PBX4: variants seen among roughly 807,000 people sequenced by gnomAD.
PBX4 encodes the protein PBX homeobox 4.
A neutral mutation model predicts 35.1 loss-of-function variants in PBX4; 26 were observed. That is an observed-to-expected ratio of 0.74 (90% confidence interval 0.54 to 1.03). The LOEUF is 1.03. PBX4 is among the 50% of genes least tolerant of loss of function. The probability of loss-of-function intolerance (pLI) is 0.00; values close to 1 mark genes in which losing one functional copy is unlikely to be tolerated. For synonymous variants in PBX4, 199 were observed against 204.2 expected, an observed-to-expected ratio of 0.97 and a Z score of 0.22; for missense variants, 448 against 504.3, an observed-to-expected ratio of 0.89 and a Z score of 1.07.
In PBX4 at chr19:19,562,155, G is replaced by A. The variant is rs374006811; in HGVS notation, c.1033-38C>T. 191 of 1,510,304 alleles carry A rather than the reference G, an allele frequency of 1.3e-4. No homozygotes were observed. The highest frequency in any genetic ancestry group is 2.6e-4 in the African/African-American group (19 of 72,686). The allele number at this position is 1,510,304 out of a possible 1,614,324, so 93.6% of individuals were successfully genotyped here. On this transcript the variant is annotated intron_variant, in intron 7 of 7. Transcript: ENST00000251203. The surrounding 1 kb of genome is among the most constrained non-coding windows in gnomAD (Gnocchi z 4.8). ...AGACTGAGCATCAGAGTGGGTGGCC[G>A]TGAGACTGGTGACTACCCAGCCCAC...
chr19:19,611,402 C>T (rs913376658), intron 1 of PBX4, among the ~76,000 whole-genome samples: 4 of 151,908 alleles, frequency 2.6e-5, no homozygotes, highest in Non-Finnish European at 5.9e-5. Context: ...AAGAGAAGGC[C>T]GGGCATGGTG....
intron 1 of PBX4, among the ~76,000 whole-genome samples, chr19:19,614,824 G>T (rs1487469854): frequency 6.6e-6 from 1 of 151,950 alleles, no homozygotes; most frequent in East Asian, 1.9e-4. Flanking sequence ...CTTAACTCAG[G>T]AGTTTGAGAC....
At position 19,562,649 on chromosome 19, in the gene PBX4, C is replaced by CA. The variant is rs933717121; in HGVS notation, c.1033-533dup. On this transcript the variant is annotated intron_variant, in intron 7 of 7. Coordinates refer to ENST00000251203, the MANE Select transcript of PBX4 (RefSeq NM_025245.3). The surrounding 1 kb of genome is among the most constrained non-coding windows in gnomAD (Gnocchi z 4.8). ...GACGTTTGTCCACAGGACCCACCCC[C>CA]ACTATGGTGGGCACGGTACAGGTTA... Among the ~76,000 whole-genome samples the CA allele has an allele frequency of 1.6e-4, 24 of 152,292 alleles. No homozygotes were observed. The highest frequency in any genetic ancestry group is 3.3e-4 in the Admixed American group (5 of 15,300).
intron 2 of PBX4, among the ~76,000 whole-genome samples, chr19:19,584,542 T>C (rs1211681093): frequency 1.3e-5 from 2 of 151,390 alleles, no homozygotes; most frequent in Admixed American, 6.6e-5. Context: ...CAGAGAGTCA[T>C]GGATGTAATG....
intron 2 of PBX4, chr19:19,580,005 G>A (rs982541673): frequency 2.0e-5 from 3 of 152,332 alleles, no homozygotes; most frequent in African/African-American, 7.2e-5. Context: ...ATCTGGGACA[G>A]AGGGTTGACG....
At chr19:19,588,203 CAAT>C in intron 2 of PBX4, 2 of 1,353,366 alleles carry the variant, frequency 1.5e-6, no homozygotes, top group Non-Finnish European at 2.1e-6. Flanking sequence ...GCACTCCTTA[CAAT>C]AATAGGCATC....
At chr19:19,575,033 C>A (rs1464808012) in intron 2 of PBX4, among the ~76,000 whole-genome samples, 1 of 151,920 alleles carries the variant, frequency 6.6e-6, no homozygotes, top group African/African-American at 2.4e-5. Flanking sequence ...AGAAGCTCCA[C>A]CATCCTGGCT....
In PBX4 at chr19:19,577,194, C is replaced by CAA. The variant is rs35798518; in HGVS notation, c.194-6363_194-6362dup. Among the ~76,000 whole-genome samples, 63 of 100,392 alleles carry CAA rather than the reference C, an allele frequency of 6.3e-4. No homozygotes were observed. In the South Asian group the frequency reaches 6.5e-3, roughly 10 times the overall value. The allele number at this position is 100,392 out of a possible 152,430, so 65.9% of individuals were successfully genotyped here. ...TGGGAAACAGAGCGAGACTCCATGTCAAAAAAAAAAAAAAAAAACTCTCAA... is the reference window on the plus strand; with the variant it reads ...TGGGAAACAGAGCGAGACTCCATGTCAAAAAAAAAAAAAAAAAAAACTCTCAA... On this transcript the variant is annotated intron_variant, in intron 2 of 7. Coordinates refer to ENST00000251203, the MANE Select transcript of PBX4 (RefSeq NM_025245.3).
At chr19:19,594,176 C>A (rs929960179) in intron 2 of PBX4, among the ~76,000 whole-genome samples, 1 of 151,416 alleles carries the variant, frequency 6.6e-6, no homozygotes, top group Non-Finnish European at 1.5e-5. Flanking sequence ...GAGGCCGAGG[C>A]GGGCGGATCA....
chr19:19,587,982 G>A, intron 2 of PBX4: 1 of 471,966 alleles, frequency 2.1e-6, no homozygotes, highest in Non-Finnish European at 3.9e-6. Context: ...GGCACTCCTG[G>A]TGATGCTCTG....
chr19:19,617,426 G>C (rs1296021066), intron 1 of PBX4, among the ~76,000 whole-genome samples: 3 of 152,110 alleles, frequency 2.0e-5, no homozygotes, highest in African/African-American at 7.2e-5. Context: ...CTACAGGCTT[G>C]CATCATCACA....
intron 1 of PBX4, among the ~76,000 whole-genome samples, chr19:19,615,844 A>G (rs1160865595): frequency 6.6e-6 from 1 of 151,988 alleles, no homozygotes; most frequent in Non-Finnish European, 1.5e-5. Context: ...GAGCCGAGAT[A>G]GCGCCACTGC....
rs972035858 is a variant in PBX4, at chr19:19,570,748, C to G, written c.279G>C (p.Val93=). Reference sequence around the variant, plus strand: ...CTCTTCCTCTCTTCTCGGGCCTGCACACGCCCTCAGCCAGCAGCATGTTAT... The same window carrying G: ...CTCTTCCTCTCTTCTCGGGCCTGCAGACGCCCTCAGCCAGCAGCATGTTAT... ...RLDNMLLAEG[V]CRPEKRGRGG... is the part of the protein sequence containing the mutation. The change falls in exon 3 of 8, where the codon GTG becomes GTC. Residue 93 remains valine, a synonymous_variant. Coordinates refer to ENST00000251203, the MANE Select transcript of PBX4 (RefSeq NM_025245.3). The G allele has an allele frequency of 4.2e-5, 67 of 1,614,046 alleles. No homozygotes were observed. The highest frequency in any genetic ancestry group is 5.4e-5 in the Non-Finnish European group (64 of 1,180,032).
chr19:19,612,589 T>C (rs1306701118), intron 1 of PBX4, among the ~76,000 whole-genome samples: 1 of 152,120 alleles, frequency 6.6e-6, no homozygotes, highest in East Asian at 1.9e-4. Context: ...GAGCTGTATT[T>C]CCTCCAGAGG....
chr19:19,590,555 G>A (rs547438668), intron 2 of PBX4, among the ~76,000 whole-genome samples: 2 of 149,806 alleles, frequency 1.3e-5, no homozygotes, highest in East Asian at 2.0e-4. Flanking sequence ...TGCAACCTCC[G>A]CCTCCCAGGT....
At chr19:19,605,626 A>G (rs1480610059) in intron 1 of PBX4, among the ~76,000 whole-genome samples, 1 of 150,384 alleles carries the variant, frequency 6.6e-6, no homozygotes, top group Non-Finnish European at 1.5e-5. Flanking sequence ...ACCCTGTCTC[A>G]TAAATAAATA....
chr19:19,578,944 G>A (rs113089252), intron 2 of PBX4, among the ~76,000 whole-genome samples: 1 of 152,160 alleles, frequency 6.6e-6, no homozygotes, highest in Admixed American at 6.5e-5. Flanking sequence ...CAGTAAGATG[G>A]CGGCCGCCTA....
At chr19:19,576,955 T>G (rs1198149994) in intron 2 of PBX4, among the ~76,000 whole-genome samples, 1 of 152,258 alleles carries the variant, frequency 6.6e-6, no homozygotes, top group Admixed American at 6.5e-5. Flanking sequence ...CAGGACTTAC[T>G]GTTCTCCAAT....
At chr19:19,566,979 G>A (rs1016746903) in intron 5 of PBX4, among the ~76,000 whole-genome samples, 1 of 152,180 alleles carries the variant, frequency 6.6e-6, no homozygotes, top group Non-Finnish European at 1.5e-5. Flanking sequence ...AAAGTGCTGG[G>A]ATTTCAGGCA....
Sources: gnomAD v4.1 joint callset for allele counts (sites outside exome capture counted in the v4.1 genomes callset) on GRCh38, gnomAD v4.1.1 for gene constraint, Gnocchi (gnomAD v3.1) non-coding constraint, MANE v1.5 for transcripts, NCBI Gene and HGNC (gene_info 2026-07-23, HGNC 2026-07-21) for gene names.